ATIC: variants seen among roughly 807,000 people sequenced by gnomAD.
The protein encoded by ATIC is 5-aminoimidazole-4-carboxamide ribonucleotide formyltransferase/IMP cyclohydrolase, also known as bifunctional purine biosynthesis protein ATIC.
In ATIC, 64 loss-of-function variants were observed where a neutral mutation model predicts 72.5. The ratio of observed to expected loss-of-function variants is 0.88; its 90% CI spans 0.72 to 1.09. The LOEUF is 1.09. Among genes scored for constraint, ATIC ranks in the 50% least tolerant of loss-of-function variants. ATIC has a pLI of 0.00. For missense variants in ATIC, 787 were observed against 732.4 expected (o/e 1.07, Z -0.86); for synonymous variants, 281 against 267.1 (o/e 1.05, Z -0.51).
At chr2:215,361,786 T>C in the ATIC span, 2 of 450,984 alleles carry the variant, frequency 4.4e-6, no homozygotes, top group African/African-American at 4.2e-5. Flanking sequence ...CAATAGGAGA[T>C]GTTCAAGAGT....
the ATIC span, among the ~76,000 whole-genome samples, chr2:215,355,802 T>A: frequency 6.6e-6 from 1 of 152,230 alleles, no homozygotes; most frequent in Non-Finnish European, 1.5e-5. Flanking sequence ...ATTCCTGTGC[T>A]TGATTACGGC....
chr2:215,357,049 G>A, the ATIC span, among the ~76,000 whole-genome samples: 4 of 152,152 alleles, frequency 2.6e-5, no homozygotes, highest in Non-Finnish European at 5.9e-5. Flanking sequence ...TTCCACCAGC[G>A]ATGAATGAGG....
downstream of ATIC, among the ~76,000 whole-genome samples, chr2:215,350,485 CCAAA>C (rs367680892): frequency 5.0e-3 from 766 of 152,256 alleles, 6 homozygotes; most frequent in African/African-American, 0.018. Flanking sequence ...TGTCTACTTT[CCAAA>C]CAAACAGCAG....
At chr2:215,359,757 TGAG>T in the ATIC span, among the ~76,000 whole-genome samples, 19 of 152,150 alleles carry the variant, frequency 1.2e-4, no homozygotes, top group African/African-American at 3.9e-4. Flanking sequence ...CAAATGAACA[TGAG>T]GAAGTATCTT....
the ATIC span, chr2:215,368,113 A>G: frequency 1.0e-5 from 14 of 1,362,052 alleles, no homozygotes; most frequent in South Asian, 2.4e-5. Flanking sequence ...ACTGTATACA[A>G]TGACTTAATC....
At chr2:215,327,930 C>T (rs894209634) in intron 7 of ATIC, among the ~76,000 whole-genome samples, 1 of 151,472 alleles carries the variant, frequency 6.6e-6, no homozygotes, top group Non-Finnish European at 1.5e-5. Flanking sequence ...CGGAGTCTCG[C>T]TCTGTCACCC....
intron 1 of ATIC, 111 bp downstream of exon 1, chr2:215,312,272 T>A: frequency 6.9e-7 from 1 of 1,447,194 alleles, no homozygotes; most frequent in East Asian, 2.5e-5. Context: ...GCTGCGGGAT[T>A]GAAAGCCAGC....
chr2:215,363,113 AG>A, the ATIC span: 3 of 152,208 alleles, frequency 2.0e-5, no homozygotes, highest in African/African-American at 7.2e-5. Flanking sequence ...ACACAATACC[AG>A]TGACTACCTC....
intron 8 of ATIC, among the ~76,000 whole-genome samples, 177 bp downstream of exon 8, chr2:215,332,684 A>G (rs2052908906): frequency 6.6e-6 from 1 of 152,194 alleles, no homozygotes. Context: ...CACACACAGA[A>G]TTGTGTAATA....
At chr2:215,336,579 CT>C (rs1159427258) in intron 11 of ATIC, among the ~76,000 whole-genome samples, 4 of 152,326 alleles carry the variant, frequency 2.6e-5, no homozygotes, top group Non-Finnish European at 5.9e-5. Flanking sequence ...TCTTGCTTAT[CT>C]TTCCTGAAAT....
chr2:215,356,276 T>C, the ATIC span, among the ~76,000 whole-genome samples: 1 of 152,206 alleles, frequency 6.6e-6, no homozygotes, highest in East Asian at 1.9e-4. Context: ...GAAGATAACC[T>C]ATGGAAATTA....
At chr2:215,343,134 T>A (rs1032252050) in intron 12 of ATIC, among the ~76,000 whole-genome samples, 1 of 152,162 alleles carries the variant, frequency 6.6e-6, no homozygotes, top group Non-Finnish European at 1.5e-5. Context: ...CTCTGCATCC[T>A]TACTAGCTTT....
chr2:215,349,767 C>G, downstream of ATIC: 1 of 1,578,728 alleles, frequency 6.3e-7, no homozygotes, highest in Non-Finnish European at 8.7e-7. Flanking sequence ...TCACTGGATC[C>G]ATAGTTTTTG....
intron 12 of ATIC, among the ~76,000 whole-genome samples, chr2:215,340,416 G>A (rs889490742): frequency 6.6e-5 from 10 of 152,158 alleles, no homozygotes; most frequent in African/African-American, 1.9e-4. Flanking sequence ...TTTGTCCTAG[G>A]TCTAAAGTAG....
At chr2:215,367,640 T>C in the ATIC span, 7,079 of 574,144 alleles carry the variant, frequency 0.012, 64 homozygotes, top group Middle Eastern at 0.016. Flanking sequence ...TAATTAATAG[T>C]TGTATTGGCA....
intron 6 of ATIC, 26 bp downstream of exon 6, chr2:215,326,164 A>T: frequency 6.2e-7 from 1 of 1,613,266 alleles, no homozygotes; most frequent in South Asian, 1.1e-5. Context: ...ATGATATTGT[A>T]AGTTACATCC....
intron 4 of ATIC, among the ~76,000 whole-genome samples, chr2:215,321,394 TG>T (rs2052765521): frequency 6.6e-6 from 1 of 152,236 alleles, no homozygotes; most frequent in South Asian, 2.1e-4. Flanking sequence ...GATGGACATT[TG>T]GGTTGTTTCT....
chr2:215,314,539 C>T (rs2052689117), intron 2 of ATIC, among the ~76,000 whole-genome samples: 1 of 151,044 alleles, frequency 6.6e-6, no homozygotes, highest in South Asian at 2.1e-4. Flanking sequence ...ACTCTTGTTG[C>T]TCAGGCTGGA....
At chr2:215,314,008 A>T (rs2052683117) in intron 2 of ATIC, among the ~76,000 whole-genome samples, 1 of 151,930 alleles carries the variant, frequency 6.6e-6, no homozygotes, top group Non-Finnish European at 1.5e-5. Flanking sequence ...TCCCCACCAA[A>T]CTTTGTATTA....
Sources: gnomAD v4.1 joint callset for allele counts (sites outside exome capture counted in the v4.1 genomes callset) on GRCh38, gnomAD v4.1.1 for gene constraint, MANE v1.5 for transcripts, NCBI Gene and HGNC (gene_info 2026-07-23, HGNC 2026-07-21) for gene names.